The following CNTN6 variants were observed in gnomAD, a reference collection of about 807,000 sequenced individuals.
CNTN6 encodes contactin 6, also known as contactin-6.
A neutral mutation model predicts 122.8 loss-of-function variants in CNTN6; 137 were observed. That is an observed-to-expected ratio of 1.12 (90% CI 0.97 to 1.29). The LOEUF (loss-of-function observed/expected upper bound fraction) is 1.29, where lower values mean the gene tolerates loss of function less well. Ranked by LOEUF, CNTN6 falls within the 50% of genes most tolerant of loss-of-function variation. The pLI, the probability that CNTN6 is intolerant of heterozygous loss-of-function variation, is 0.00. For missense variants in CNTN6, 1,634 were observed against 1,223.4 expected (o/e 1.34, Z -5.01); for synonymous variants, 570 against 426.0 (o/e 1.34, Z -4.16).
chr3:1,390,901 G>A (rs2126222234), intron 20 of CNTN6, among the ~76,000 whole-genome samples: 1 of 150,982 alleles, frequency 6.6e-6, no homozygotes, highest in Non-Finnish European at 1.5e-5. Flanking sequence ...AGCTGAAATT[G>A]TGGCAATAAT....
intron 2 of CNTN6, among the ~76,000 whole-genome samples, chr3:1,202,053 C>T (rs114313133): frequency 6.6e-6 from 1 of 152,200 alleles, no homozygotes; most frequent in African/African-American, 2.4e-5. Context: ...TAACCTTAAT[C>T]TTTAAAAAAT....
At chr3:1,367,324 C>G (rs79452563) in intron 12 of CNTN6, among the ~76,000 whole-genome samples, 5,199 of 152,052 alleles carry the variant, frequency 0.034, 122 homozygotes, top group South Asian at 0.053. Flanking sequence ...TCCCACCAGC[C>G]TCTGATAACC....
At chr3:1,368,518 C>T (rs937012013) in intron 12 of CNTN6, among the ~76,000 whole-genome samples, 1 of 152,120 alleles carries the variant, frequency 6.6e-6, no homozygotes, top group Admixed American at 6.6e-5. Context: ...GAGAAAGATA[C>T]TTTGCAAAAT....
chr3:1,201,099 TTGTGTGTGTGTGTGTGTGTGTG>T (rs57028088), intron 2 of CNTN6, among the ~76,000 whole-genome samples: 8 of 130,020 alleles, frequency 6.2e-5, no homozygotes, highest in South Asian at 2.6e-4. Context: ...AGCTAACATT[TTGTGTGTGTGTGTGTGTGTGTG>T]TGTGTGTGTG....
chr3:1,324,923 A>G (rs1039686903), intron 8 of CNTN6, among the ~76,000 whole-genome samples: 5 of 150,226 alleles, frequency 3.3e-5, no homozygotes, highest in Non-Finnish European at 7.4e-5. Context: ...TGCAATTACA[A>G]ATATAAAGCA....
At chr3:1,360,259 T>C (rs576449808) in intron 12 of CNTN6, among the ~76,000 whole-genome samples, 2 of 152,226 alleles carry the variant, frequency 1.3e-5, no homozygotes, top group East Asian at 3.9e-4. Flanking sequence ...TAATCTGTTG[T>C]TTGTGACACC....
At chr3:1,301,290 C>T (rs1048312149) in intron 7 of CNTN6, among the ~76,000 whole-genome samples, 8 of 152,080 alleles carry the variant, frequency 5.3e-5, no homozygotes, top group African/African-American at 1.9e-4. Context: ...CCATCTTGGC[C>T]TCCCAAAGTG....
chr3:1,397,314 A>G (rs1695110028), intron 20 of CNTN6, among the ~76,000 whole-genome samples: 1 of 152,200 alleles, frequency 6.6e-6, no homozygotes, highest in African/African-American at 2.4e-5. Flanking sequence ...GAGCATCTAT[A>G]TGGGATAGGC....
intron 3 of CNTN6, among the ~76,000 whole-genome samples, chr3:1,225,570 T>A (rs2094270547): frequency 6.6e-6 from 1 of 152,174 alleles, no homozygotes; most frequent in Non-Finnish European, 1.5e-5. Context: ...TCCTATGCTT[T>A]GAAAACGATA....
chr3:1,127,510 T>C (rs1474504872), intron 1 of CNTN6, among the ~76,000 whole-genome samples: 1 of 151,908 alleles, frequency 6.6e-6, no homozygotes, highest in Non-Finnish European at 1.5e-5. Flanking sequence ...TTATGTTGTA[T>C]TCTTCTATAA....
rs540012791 is a variant in CNTN6 at position 1,320,677 on chromosome 3, A to G, written c.762-973A>G. On this transcript the variant is annotated intron_variant, in intron 7 of 22. Coordinates refer to ENST00000446702, the MANE Select transcript of CNTN6 (RefSeq NM_001289080.2). Reference sequence around the variant, plus strand: ...AAGAATGACTTGACAAGAGGAAAGGAGAGATATTAATGTGAACAGACTGGG... The same window carrying G: ...AAGAATGACTTGACAAGAGGAAAGGGGAGATATTAATGTGAACAGACTGGG... Among the ~76,000 whole-genome samples the G allele has an allele frequency of 2.6e-5, 4 of 151,898 alleles. No individual in the cohort carries two copies. In the South Asian group the frequency reaches 8.3e-4, roughly 31 times the overall value.
At chr3:1,401,107 A>G (rs933969505) in intron 20 of CNTN6, among the ~76,000 whole-genome samples, 3 of 143,926 alleles carry the variant, frequency 2.1e-5, no homozygotes, top group Non-Finnish European at 4.6e-5. Context: ...TTGATGGCCA[A>G]ATGGAATCCT....
intron 4 of CNTN6, among the ~76,000 whole-genome samples, chr3:1,229,471 C>T (rs1002690643): frequency 2.6e-5 from 4 of 152,102 alleles, no homozygotes. Context: ...CCTCGAGTTT[C>T]TCTACAGTTA....
intron 1 of CNTN6, among the ~76,000 whole-genome samples, chr3:1,110,305 A>C (rs1228603814): frequency 6.6e-6 from 1 of 152,174 alleles, no homozygotes; most frequent in Non-Finnish European, 1.5e-5. Flanking sequence ...CAATGGAAGA[A>C]TCTAATCTTT....
In CNTN6 at chr3:1,374,053, T is replaced by C; in HGVS notation, c.2075T>C (p.Leu692Ser). 1 of 1,612,712 alleles carries C rather than the reference T, an allele frequency of 6.2e-7. No individual in the cohort carries two copies. The highest frequency in any genetic ancestry group is 1.3e-5 in the African/African-American group (1 of 74,956). ...GIGEPSEPSE[L>S]LRTKASVPVV... is the part of the protein sequence containing the mutation. ...GGAGAACCAAGTGAACCATCAGAAT[T>C]GTTAAGAACTAAAGCATCAGGTAAA... Residue 692 changes from leucine to serine, a missense_variant, in exon 16 of 23, where the codon TTG (leucine) becomes TCG (serine). Physicochemically the swap from Leu to Ser is moderately radical, Grantham distance 145. Transcript: ENST00000446702.
chr3:1,297,794 A>G (rs1696529765), intron 6 of CNTN6, 95 bp from the exon 7 acceptor site: 1 of 941,474 alleles, frequency 1.1e-6, no homozygotes, highest in Admixed American at 2.1e-5. Context: ...AACTCTTATT[A>G]AGAAGAAATA....
intron 15 of CNTN6, 74 bp from the exon 16 acceptor site, chr3:1,373,850 A>C: frequency 1.4e-6 from 2 of 1,459,458 alleles, no homozygotes; most frequent in African/African-American, 1.5e-5. Flanking sequence ...TAAATTAATA[A>C]TTATATAATT....
intron 5 of CNTN6, among the ~76,000 whole-genome samples, chr3:1,294,134 C>T (rs1034232845): frequency 6.6e-6 from 1 of 152,176 alleles, no homozygotes; most frequent in Non-Finnish European, 1.5e-5. Flanking sequence ...TGTATACAGA[C>T]AGTCTTAGAC....
At chr3:1,183,640 C>G (rs1028200571) in intron 2 of CNTN6, among the ~76,000 whole-genome samples, 3 of 151,924 alleles carry the variant, frequency 2.0e-5, no homozygotes, top group Non-Finnish European at 4.4e-5. Flanking sequence ...TTTTTGGATT[C>G]AAATCCCTTA....
Sources: gnomAD v4.1 joint callset for allele counts (sites outside exome capture counted in the v4.1 genomes callset) on GRCh38, gnomAD v4.1.1 for gene constraint, MANE v1.5 for transcripts, NCBI Gene and HGNC (gene_info 2026-07-23, HGNC 2026-07-21) for gene names.